The following ZC3H6 variants were observed in gnomAD, a reference collection of about 807,000 sequenced individuals.
The protein encoded by ZC3H6 is zinc finger CCCH-type containing 6.
A neutral mutation model predicts 107.7 loss-of-function variants in ZC3H6; 40 were observed. The observed-to-expected ratio is 0.37, with a 90% CI of 0.29 to 0.48. The LOEUF (loss-of-function observed/expected upper bound fraction) is 0.48, where lower values mean the gene tolerates loss of function less well. Ranked by LOEUF, ZC3H6 falls within the 20% of genes least tolerant of loss-of-function variation. The pLI is 0.98. For missense variants in ZC3H6, 1,267 were observed against 1,410.4 expected, an observed-to-expected ratio of 0.90 and a Z score of 1.63; for synonymous variants, 493 against 487.9, an observed-to-expected ratio of 1.01 and a Z score of -0.14.
chr2:112,318,069 G>GT, intron 7 of ZC3H6, among the ~76,000 whole-genome samples: 1 of 152,102 alleles, frequency 6.6e-6, no homozygotes, highest in East Asian at 1.9e-4. Context: ...AACAGCCACG[G>GT]TAATATTTGG....
In ZC3H6 at chr2:112,306,021, C is replaced by G. The variant is rs544380174; in HGVS notation, c.336+2670C>G. On this transcript the variant is annotated intron_variant, in intron 3 of 11. Transcript: ENST00000409871. ...GAGTGTAATTTGCCTTTAAACCTAT[C>G]TATTAAGTATTTTTCATACGTAGAA... is the stretch of plus-strand genomic sequence containing the variant. Among the ~76,000 whole-genome samples, 19 of 152,246 alleles carry G rather than the reference C, an allele frequency of 1.2e-4. No individual in the cohort carries two copies. In the East Asian group the frequency reaches 3.1e-3, roughly 25 times the overall value.
rs1001221789 is a variant in ZC3H6, at chr2:112,324,930, T to G, written c.1853-34T>G. On this transcript the variant is annotated intron_variant, in intron 10 of 11. Coordinates refer to ENST00000409871, the MANE Select transcript of ZC3H6 (RefSeq NM_198581.3). ...ATGACTGGTGAAGTTTTGTGCTCAC[T>G]CAATGACTGTCTCTCCCCATGTTAT... 2.6e-6 allele frequency: 4 copies of G among 1,555,490 alleles called. No homozygotes were observed. The African/African-American group carries it at 5.4e-5, about 21-fold the overall frequency.
At chr2:112,292,181 T>G (rs1040977851) in intron 1 of ZC3H6, among the ~76,000 whole-genome samples, 1 of 152,134 alleles carries the variant, frequency 6.6e-6, no homozygotes, top group Non-Finnish European at 1.5e-5. Context: ...GTCAACACTT[T>G]TGAGTGCACA....
chr2:112,329,745 C>T (rs1676984582), intron 11 of ZC3H6, among the ~76,000 whole-genome samples: 1 of 152,138 alleles, frequency 6.6e-6, no homozygotes, highest in East Asian at 1.9e-4. Context: ...GATGGAGATA[C>T]ATATATGCAT....
chr2:112,275,905 C>A lies in ZC3H6; in HGVS notation c.-90C>A. The A allele has an allele frequency of 1.7e-6, 2 of 1,210,080 alleles. No individual in the cohort carries two copies. Among genetic ancestry groups the A allele is most frequent in the Non-Finnish European group, 2.3e-6 (2 of 884,852 alleles). The allele number at this position is 1,210,080 out of a possible 1,614,324, so 75.0% of individuals were successfully genotyped here. On this transcript the variant is annotated 5_prime_UTR_variant, in exon 1 of 12. Coordinates refer to ENST00000409871, the MANE Select transcript of ZC3H6 (RefSeq NM_198581.3). Reference sequence around the variant, plus strand: ...TGTCGGCGGCGGCCGGGAGCAGGTTCCCGCAGGCGGCGCGGGGGGTCTTCC... The same window carrying A: ...TGTCGGCGGCGGCCGGGAGCAGGTTACCGCAGGCGGCGCGGGGGGTCTTCC...
At chr2:112,295,689 A>G (rs1367948023) in intron 1 of ZC3H6, among the ~76,000 whole-genome samples, 1 of 152,118 alleles carries the variant, frequency 6.6e-6, no homozygotes, top group South Asian at 2.1e-4. Context: ...TTTTGTAGCC[A>G]TACAAAAATA....
At chr2:112,276,185 G>A (rs1270384712) in intron 1 of ZC3H6, among the ~76,000 whole-genome samples, 159 bp downstream of exon 1, 2 of 147,880 alleles carry the variant, frequency 1.4e-5, no homozygotes, top group African/African-American at 2.5e-5. Context: ...CTGGATCGCG[G>A]CCGCGGGGGA....
At chr2:112,291,091 C>T (rs1432729559) in intron 1 of ZC3H6, among the ~76,000 whole-genome samples, 1 of 152,240 alleles carries the variant, frequency 6.6e-6, no homozygotes, top group African/African-American at 2.4e-5. Flanking sequence ...AGCTCAAAGT[C>T]AGATTTGTGA....
At chr2:112,316,731 C>A (rs778353397) in intron 6 of ZC3H6, 145 bp downstream of exon 6, 1 of 586,584 alleles carries the variant, frequency 1.7e-6, no homozygotes, top group Non-Finnish European at 3.0e-6. Flanking sequence ...CATGGAAATA[C>A]CGTACATTAG....
chr2:112,320,442 C>T (rs530471023), intron 7 of ZC3H6, among the ~76,000 whole-genome samples: 7 of 152,118 alleles, frequency 4.6e-5, no homozygotes, highest in Non-Finnish European at 1.0e-4. Flanking sequence ...CACAGTTCTG[C>T]TTCTATACTA....
At chr2:112,326,988 A>G (rs1435612917) in intron 11 of ZC3H6, among the ~76,000 whole-genome samples, 1 of 152,190 alleles carries the variant, frequency 6.6e-6, no homozygotes, top group Non-Finnish European at 1.5e-5. Flanking sequence ...ATGTGAGAGT[A>G]CAGATATCTC....
In ZC3H6 at chr2:112,332,887, C is replaced by G. The variant is rs1015652024; in HGVS notation, c.*399C>G. On this transcript the variant is annotated 3_prime_UTR_variant, in exon 12 of 12. Transcript: ENST00000409871. ...TTACTTTTGAGAAACAGTATTTTGA[C>G]TAGGACCTCTCTTATTTGTCAGCAC... 6.3e-6 allele frequency: 1 copy of G among 157,700 alleles called. No individual in the cohort carries two copies. Among genetic ancestry groups the G allele is most frequent in the Admixed American group, 6.2e-5 (1 of 16,132 alleles). The allele number at this position is 157,700 out of a possible 1,614,324, so 9.8% of individuals were successfully genotyped here.
rs1255106999 is a variant in ZC3H6, at chr2:112,333,389, A to G, written c.*901A>G. 2 of 152,558 alleles carry G rather than the reference A, an allele frequency of 1.3e-5. No individual in the cohort carries two copies. Among genetic ancestry groups the G allele is most frequent in the Non-Finnish European group, 2.9e-5 (2 of 67,960 alleles). The allele number at this position is 152,558 out of a possible 1,614,324, so 9.5% of individuals were successfully genotyped here. A position where few individuals can be genotyped will look rare whatever the true frequency, so the allele number is the denominator to read the frequency against. ...GTCTGTAGTGATTATTACACGGATA[A>G]TGTTTTAAATGTCTAGGTTCTGTAT... On this transcript the variant is annotated 3_prime_UTR_variant, in exon 12 of 12. Coordinates refer to ENST00000409871, the MANE Select transcript of ZC3H6 (RefSeq NM_198581.3).
At chr2:112,292,048 T>TTGGG (rs1275143349) in intron 1 of ZC3H6, among the ~76,000 whole-genome samples, 2 of 152,212 alleles carry the variant, frequency 1.3e-5, no homozygotes, top group Non-Finnish European at 2.9e-5. Flanking sequence ...ATTGGTTCAT[T>TTGGG]TGGGGACTCG....
intron 1 of ZC3H6, among the ~76,000 whole-genome samples, chr2:112,283,317 T>G (rs1206096384): frequency 6.6e-6 from 1 of 152,230 alleles, no homozygotes; most frequent in African/African-American, 2.4e-5. Flanking sequence ...ATATTTGTTT[T>G]GTTTTTCTTT....
At chr2:112,285,067 G>T (rs558023825) in intron 1 of ZC3H6, among the ~76,000 whole-genome samples, 1 of 152,088 alleles carries the variant, frequency 6.6e-6, no homozygotes, top group South Asian at 2.1e-4. Context: ...TGTATTTTTC[G>T]TTAAAGTTTT....
chr2:112,328,672 G>GGCTC (rs1450859745), intron 11 of ZC3H6, among the ~76,000 whole-genome samples: 2 of 152,168 alleles, frequency 1.3e-5, no homozygotes, highest in Non-Finnish European at 2.9e-5. Flanking sequence ...CGGGCGCAGT[G>GGCTC]GCTCACGCCT....
intron 1 of ZC3H6, among the ~76,000 whole-genome samples, chr2:112,281,766 C>T (rs1172529445): frequency 2.6e-5 from 4 of 151,814 alleles, no homozygotes; most frequent in African/African-American, 4.8e-5. Flanking sequence ...ATGAATGATA[C>T]CACTCAAGGT....
chr2:112,306,521 T>C (rs1332804691), intron 3 of ZC3H6, among the ~76,000 whole-genome samples: 1 of 152,188 alleles, frequency 6.6e-6, no homozygotes, highest in East Asian at 1.9e-4. Flanking sequence ...TTCTCTTTCA[T>C]GTGATCCTAT....
Sources: allele counts gnomAD v4.1 joint callset (sites outside exome capture counted in the v4.1 genomes callset), GRCh38; gene constraint gnomAD v4.1.1; transcripts MANE v1.5; gene names NCBI Gene and HGNC (gene_info 2026-07-23, HGNC 2026-07-21).